Variants in EPC2 observed in about 807,000 individuals in gnomAD.
EPC2 encodes the protein enhancer of polycomb 2, also known as enhancer of polycomb homolog 2.
A neutral mutation model predicts 92.1 loss-of-function variants in EPC2; 14 were observed. The ratio of observed to expected loss-of-function variants is 0.15; its 90% CI spans 0.10 to 0.24. The LOEUF (loss-of-function observed/expected upper bound fraction) is 0.24. EPC2 is among the 10% of genes least tolerant of loss of function. The pLI is 1.00. For synonymous variants in EPC2, 340 were observed against 334.7 expected (o/e 1.02, Z -0.17); for missense variants, 755 against 971.5 (o/e 0.78, Z 2.96).
chr2:148,647,806 T>C (rs1387841644), intron 1 of EPC2, among the ~76,000 whole-genome samples: 1 of 151,932 alleles, frequency 6.6e-6, no homozygotes, highest in African/African-American at 2.4e-5. Flanking sequence ...CTAATTTTTG[T>C]ATTTTTAGTA....
Position 148,721,158 on chromosome 2 carries a change from C to T in EPC2, c.314-22464C>T, listed in dbSNP as rs1414731320. 2.0e-5 allele frequency among the ~76,000 whole-genome samples: 3 copies of T among 152,082 alleles called. No individual in the cohort carries two copies. In the South Asian group the frequency reaches 6.2e-4, roughly 32 times the overall value. ...TGTTTATGTAGATCTGAGTTTCTAACCTATATCATTTTCCTCCTCTCAAAA... is the reference window on the plus strand; with the variant it reads ...TGTTTATGTAGATCTGAGTTTCTAATCTATATCATTTTCCTCCTCTCAAAA... On this transcript the variant is annotated intron_variant, in intron 2 of 13. Transcript: ENST00000258484.
intron 2 of EPC2, among the ~76,000 whole-genome samples, chr2:148,695,314 T>G (rs1681723553): frequency 6.6e-6 from 1 of 152,208 alleles, no homozygotes; most frequent in African/African-American, 2.4e-5. Flanking sequence ...AGGAATGCAC[T>G]CAAAGGGAAT....
intron 1 of EPC2, among the ~76,000 whole-genome samples, chr2:148,667,998 A>G (rs997652810): frequency 5.3e-5 from 8 of 152,108 alleles, no homozygotes; most frequent in Non-Finnish European, 1.2e-4. Context: ...TCCCAGGTTC[A>G]AGCGATTCTC....
At chr2:148,761,663 A>AT (rs576361867) in intron 4 of EPC2, 119 bp from the exon 5 acceptor site, 67 of 653,316 alleles carry the variant, frequency 1.0e-4, no homozygotes, top group East Asian at 1.4e-4. Context: ...TGCTGTTCAG[A>AT]TTTTTTTTAA....
chr2:148,725,577 A>T (rs949061100), intron 2 of EPC2, among the ~76,000 whole-genome samples: 6 of 152,138 alleles, frequency 3.9e-5, no homozygotes, highest in African/African-American at 1.4e-4. Flanking sequence ...GACCTCATGC[A>T]TAATTTAATA....
At chr2:148,681,340 A>G (rs903593293) in intron 1 of EPC2, among the ~76,000 whole-genome samples, 1 of 151,876 alleles carries the variant, frequency 6.6e-6, no homozygotes, top group Non-Finnish European at 1.5e-5. Context: ...TATTTAGGAG[A>G]AGTAGGGGAT....
intron 1 of EPC2, among the ~76,000 whole-genome samples, chr2:148,654,503 A>G (rs1315372175): frequency 6.6e-6 from 1 of 152,148 alleles, no homozygotes; most frequent in Admixed American, 6.5e-5. Context: ...ACAAAAAATA[A>G]AAACATCAGC....
At chr2:148,704,792 G>A (rs962013517) in intron 2 of EPC2, among the ~76,000 whole-genome samples, 2 of 152,202 alleles carry the variant, frequency 1.3e-5, no homozygotes, top group Admixed American at 1.3e-4. Flanking sequence ...AGGCAAATTA[G>A]CTTTGCATAT....
chr2:148,751,717 T>C (rs757450357), intron 3 of EPC2, among the ~76,000 whole-genome samples: 5 of 152,112 alleles, frequency 3.3e-5, no homozygotes, highest in Non-Finnish European at 5.9e-5. Context: ...TCATGTGACT[T>C]AATAATGTGT....
At chr2:148,646,694 A>G (rs1218010609) in intron 1 of EPC2, among the ~76,000 whole-genome samples, 1 of 152,082 alleles carries the variant, frequency 6.6e-6, no homozygotes, top group African/African-American at 2.4e-5. Flanking sequence ...ATTACATTGA[A>G]CCCTAATAAG....
chr2:148,710,798 G>A (rs569015900), intron 2 of EPC2, among the ~76,000 whole-genome samples: 1 of 152,198 alleles, frequency 6.6e-6, no homozygotes, highest in Non-Finnish European at 1.5e-5. Flanking sequence ...TTGAACAATG[G>A]GAACACTTGG....
At chr2:148,692,774 A>G (rs1036089966) in intron 2 of EPC2, 4 of 152,220 alleles carry the variant, frequency 2.6e-5, no homozygotes, top group African/African-American at 9.6e-5. Flanking sequence ...ACCAAGAACT[A>G]AAAATCGGGT....
chr2:148,683,517 C>T (rs1262497831), intron 1 of EPC2, among the ~76,000 whole-genome samples: 11 of 152,134 alleles, frequency 7.2e-5, no homozygotes, highest in African/African-American at 2.2e-4. Context: ...CCACCCACCT[C>T]GGCCTCCCAA....
intron 10 of EPC2, among the ~76,000 whole-genome samples, chr2:148,773,862 G>C (rs1197722195): frequency 1.3e-5 from 2 of 152,126 alleles, no homozygotes; most frequent in African/African-American, 4.8e-5. Context: ...GGATGAGGGA[G>C]TTTTAGAAAG....
chr2:148,720,261 G>A (rs866939680), intron 2 of EPC2, among the ~76,000 whole-genome samples: 5 of 152,208 alleles, frequency 3.3e-5, no homozygotes, highest in East Asian at 3.9e-4. Context: ...ACCCTTTCTC[G>A]TCTGGACCAT....
At chr2:148,753,753 A>G in intron 3 of EPC2, 174 bp from the exon 4 acceptor site, 1 of 572,128 alleles carries the variant, frequency 1.7e-6, no homozygotes, top group Non-Finnish European at 3.0e-6. Context: ...TTTTAGATAA[A>G]TCTCCTAATT....
intron 1 of EPC2, among the ~76,000 whole-genome samples, chr2:148,650,222 T>C (rs1042556307): frequency 2.6e-5 from 4 of 152,170 alleles, no homozygotes; most frequent in Non-Finnish European, 5.9e-5. Context: ...TTGAATGGGC[T>C]TCTATTTCTT....
At chr2:148,662,463 T>A (rs1047767863) in intron 1 of EPC2, among the ~76,000 whole-genome samples, 1 of 152,152 alleles carries the variant, frequency 6.6e-6, no homozygotes, top group East Asian at 1.9e-4. Context: ...GTGGCACATA[T>A]ACACCATGGA....
At chr2:148,674,346 T>G (rs1474283463) in intron 1 of EPC2, among the ~76,000 whole-genome samples, 1 of 152,192 alleles carries the variant, frequency 6.6e-6, no homozygotes, top group Non-Finnish European at 1.5e-5. Flanking sequence ...CAAAGTATGT[T>G]GGTTAAGTCA....
Sources: allele counts gnomAD v4.1 joint callset (sites outside exome capture counted in the v4.1 genomes callset), GRCh38; gene constraint gnomAD v4.1.1; transcripts MANE v1.5; gene names NCBI Gene and HGNC (gene_info 2026-07-23, HGNC 2026-07-21).